Variants in KIF26B observed in about 807,000 individuals in gnomAD.
The protein encoded by KIF26B is kinesin-like protein KIF26B.
A neutral mutation model predicts 151.2 loss-of-function variants in KIF26B; 63 were observed. The ratio of observed to expected loss-of-function variants is 0.42; its 90% CI spans 0.34 to 0.51. KIF26B has a LOEUF of 0.51. Ranked by LOEUF, KIF26B falls within the 20% of genes least tolerant of loss-of-function variation. The pLI is 0.07. For synonymous variants in KIF26B, 1,357 were observed against 1,262.1 expected, an observed-to-expected ratio of 1.08 and a Z score of -1.59; for missense variants, 2,813 against 2,913.6, an observed-to-expected ratio of 0.97 and a Z score of 0.79.
At chr1:245,282,267 A>G in intron 2 of KIF26B, among the ~76,000 whole-genome samples, 1 of 152,162 alleles carries the variant, frequency 6.6e-6, no homozygotes, top group Middle Eastern at 3.2e-3. Context: ...ATGGAACCAA[A>G]AAAGAGCCCG....
intron 2 of KIF26B, among the ~76,000 whole-genome samples, chr1:245,302,433 T>C (rs1671441657): frequency 6.6e-6 from 1 of 152,218 alleles, no homozygotes; most frequent in Non-Finnish European, 1.5e-5. Flanking sequence ...TTGAGTCATG[T>C]GATAGCATCC....
intron 5 of KIF26B, among the ~76,000 whole-genome samples, chr1:245,592,855 G>A (rs898398698): frequency 8.5e-5 from 13 of 152,168 alleles, no homozygotes; most frequent in African/African-American, 3.1e-4. Flanking sequence ...TTTCAGGCAT[G>A]GGTCTGTGGT....
intron 9 of KIF26B, among the ~76,000 whole-genome samples, chr1:245,617,581 A>G (rs2043605100): frequency 6.6e-6 from 1 of 152,188 alleles, no homozygotes; most frequent in East Asian, 1.9e-4. Context: ...TGCTGTCCCC[A>G]GCAGCGAAGC....
chr1:245,556,345 C>CCTT (rs1558213117), intron 5 of KIF26B, among the ~76,000 whole-genome samples: 4 of 129,120 alleles, frequency 3.1e-5, no homozygotes, highest in South Asian at 2.3e-4. Context: ...CCTCCTTCCT[C>CCTT]CCTCCTCCTC....
At chr1:245,618,694 G>C (rs372748954) in intron 9 of KIF26B, among the ~76,000 whole-genome samples, 25 of 131,936 alleles carry the variant, frequency 1.9e-4, no homozygotes, top group Admixed American at 4.7e-4. Flanking sequence ...TTGAGACAGA[G>C]TGCCACAGTG....
In KIF26B at chr1:245,572,311, T is replaced by G. The variant is rs942997474; in HGVS notation, c.1351-30266T>G. Reference sequence around the variant, plus strand: ...AGACAGAAGGAGGTAGACGTGCTTTTGTGTTTCCGACACTGAGGACATTGA... The same window carrying G: ...AGACAGAAGGAGGTAGACGTGCTTTGGTGTTTCCGACACTGAGGACATTGA... On this transcript the variant is annotated intron_variant, in intron 5 of 14. Transcript: ENST00000407071. The surrounding 1 kb of genome is among the most constrained non-coding windows in gnomAD (Gnocchi z 4.2). Among the ~76,000 whole-genome samples, 1 of 152,182 alleles carries G rather than the reference T, an allele frequency of 6.6e-6. No individual in the cohort carries two copies. The highest frequency in any genetic ancestry group is 1.5e-5 in the Non-Finnish European group (1 of 68,032).
intron 4 of KIF26B, among the ~76,000 whole-genome samples, chr1:245,478,486 G>A (rs1660090884): frequency 6.8e-6 from 1 of 146,266 alleles, no homozygotes; most frequent in African/African-American, 2.5e-5. Flanking sequence ...GGAGTGCGGT[G>A]GCGCGATCTC....
chr1:245,557,677 C>G (rs191868490), intron 5 of KIF26B, among the ~76,000 whole-genome samples: 3 of 152,074 alleles, frequency 2.0e-5, no homozygotes, highest in Non-Finnish European at 4.4e-5. Flanking sequence ...AAGCTTCAGA[C>G]GCCTGTTCAA....
chr1:245,181,142 A>G (rs985748307), intron 2 of KIF26B, among the ~76,000 whole-genome samples: 1 of 152,028 alleles, frequency 6.6e-6, no homozygotes, highest in East Asian at 1.9e-4. Flanking sequence ...TACAAATTCA[A>G]GCCCTTTTTT....
At chr1:245,669,580 T>C (rs2044258897) in intron 10 of KIF26B, among the ~76,000 whole-genome samples, 1 of 152,170 alleles carries the variant, frequency 6.6e-6, no homozygotes, top group Non-Finnish European at 1.5e-5. Flanking sequence ...GAAAAGATAC[T>C]CAGCATCATT....
chr1:245,300,983 C>G (rs1269545781), intron 2 of KIF26B, among the ~76,000 whole-genome samples: 1 of 151,176 alleles, frequency 6.6e-6, no homozygotes, highest in African/African-American at 2.4e-5. Context: ...GTGCGCACCA[C>G]CACACCTGGC....
intron 2 of KIF26B, among the ~76,000 whole-genome samples, chr1:245,175,762 G>A (rs1409879780): frequency 1.3e-5 from 2 of 151,986 alleles, no homozygotes; most frequent in Non-Finnish European, 2.9e-5. Context: ...CTCTTCGTTT[G>A]TTCCATTTCT....
chr1:245,390,936 A>C (rs1315397972), intron 3 of KIF26B, among the ~76,000 whole-genome samples: 3 of 143,802 alleles, frequency 2.1e-5, no homozygotes, highest in Non-Finnish European at 3.0e-5. Flanking sequence ...AAAAAAAAAA[A>C]AAAAAAAAAA....
chr1:245,374,724 G>C (rs1673232418), intron 3 of KIF26B, among the ~76,000 whole-genome samples: 1 of 152,150 alleles, frequency 6.6e-6, no homozygotes, highest in Admixed American at 6.5e-5. Flanking sequence ...AGGGATATTA[G>C]GTTATGTATC....
At chr1:245,474,343 C>T (rs1417443899) in intron 4 of KIF26B, among the ~76,000 whole-genome samples, 3 of 151,034 alleles carry the variant, frequency 2.0e-5, no homozygotes, top group South Asian at 2.1e-4. Flanking sequence ...CTCCTGACCT[C>T]GTGATCCACC....
At chr1:245,354,944 G>A (rs1385475027) in intron 2 of KIF26B, among the ~76,000 whole-genome samples, 4 of 151,916 alleles carry the variant, frequency 2.6e-5, no homozygotes, top group African/African-American at 7.3e-5. Flanking sequence ...TTTTTGAGAC[G>A]GAGTCTCGCT....
chr1:245,631,476 A>T (rs2043780923), intron 9 of KIF26B, among the ~76,000 whole-genome samples: 1 of 152,082 alleles, frequency 6.6e-6, no homozygotes, highest in Non-Finnish European at 1.5e-5. Context: ...GATAAATCCC[A>T]CTTGATTATG....
intron 4 of KIF26B, among the ~76,000 whole-genome samples, chr1:245,428,618 C>T (rs1658702221): frequency 6.6e-6 from 1 of 152,200 alleles, no homozygotes; most frequent in African/African-American, 2.4e-5. Context: ...GCATTCATAG[C>T]TTGGCACACA....
At chr1:245,593,346 G>T (rs561461983) in intron 5 of KIF26B, among the ~76,000 whole-genome samples, 1 of 151,400 alleles carries the variant, frequency 6.6e-6, no homozygotes, top group Non-Finnish European at 1.5e-5. Flanking sequence ...AACAGGCCCC[G>T]GTGTATGATG....
Sources: allele counts gnomAD v4.1 joint callset (sites outside exome capture counted in the v4.1 genomes callset), GRCh38; gene constraint gnomAD v4.1.1; non-coding constraint Gnocchi (gnomAD v3.1); transcripts MANE v1.5; gene names NCBI Gene and HGNC (gene_info 2026-07-23, HGNC 2026-07-21).